LINGO1: variants seen among roughly 807,000 people sequenced by gnomAD.
LINGO1 encodes leucine rich repeat and Ig domain containing 1.
Under a neutral mutation model 37.3 loss-of-function variants are expected in LINGO1, and 11 were observed. The observed-to-expected ratio is 0.29, with a 90% CI of 0.19 to 0.49. The LOEUF is 0.49. Among genes scored for constraint, LINGO1 ranks in the 20% least tolerant of loss-of-function variants. The probability of loss-of-function intolerance (pLI) is 0.99; values close to 1 mark genes in which losing one functional copy is unlikely to be tolerated. For missense variants in LINGO1, 585 were observed against 878.2 expected, an observed-to-expected ratio of 0.67 and a Z score of 4.22; for synonymous variants, 387 against 403.0, an observed-to-expected ratio of 0.96 and a Z score of 0.48.
At chr15:77,787,605 C>A (rs1446884219), upstream of LINGO1, among the ~76,000 whole-genome samples, 1 of 152,158 alleles carries the variant, frequency 6.6e-6, no homozygotes, top group Non-Finnish European at 1.5e-5. Flanking sequence ...CCTCTTTGCC[C>A]TCCCCATGCC....
chr15:77,788,206 T>C (rs1273451129), upstream of LINGO1: 1 of 152,258 alleles, frequency 6.6e-6, no homozygotes, highest in African/African-American at 2.4e-5. Context: ...ACCATGTTTG[T>C]CGGGTTCTCA....
chr15:77,773,599 G>T (rs796430057), intron 1 of LINGO1, among the ~76,000 whole-genome samples: 9 of 152,210 alleles, frequency 5.9e-5, no homozygotes, highest in African/African-American at 2.2e-4. Flanking sequence ...AGGCAGGTAT[G>T]ACTCCAGCCT....
intron 2 of LINGO1, among the ~76,000 whole-genome samples, chr15:77,678,288 C>T (rs1467890054): frequency 2.0e-5 from 3 of 152,138 alleles, no homozygotes; most frequent in East Asian, 1.9e-4. Flanking sequence ...AGGTACAGAA[C>T]AATCCTGTCA....
upstream of LINGO1, among the ~76,000 whole-genome samples, chr15:77,790,844 G>A (rs191214772): frequency 2.1e-3 from 315 of 152,334 alleles, no homozygotes; most frequent in Middle Eastern, 6.8e-3. Flanking sequence ...GCTCCCTCCA[G>A]GGCCTGAGCT....
Position 77,615,778 on chromosome 15 carries a change from C to A in LINGO1, c.129G>T (p.Pro43=). ...CCTGGGCGGAGCACTCGCAGCGGGGCGGGCAGCCCGTGGCCGAGCCTGACA... is the reference window on the plus strand; with the variant it reads ...CCTGGGCGGAGCACTCGCAGCGGGGAGGGCAGCCCGTGGCCGAGCCTGACA... ...SVLSGSATGC[P]PRCECSAQDR... The change falls in exon 2 of 2, where the codon CCG becomes CCT. Residue 43 remains proline (P), a synonymous_variant. Coordinates refer to ENST00000355300, the MANE Select transcript of LINGO1 (RefSeq NM_032808.7). 6.4e-7 allele frequency: 1 copy of A among 1,571,172 alleles called. No homozygotes were observed. Among genetic ancestry groups the A allele is most frequent in the Non-Finnish European group, 8.6e-7 (1 of 1,165,158 alleles).
intron 3 of LINGO1, among the ~76,000 whole-genome samples, chr15:77,654,530 C>T (rs2141148589): frequency 1.3e-5 from 2 of 152,190 alleles, no homozygotes; most frequent in South Asian, 2.1e-4. Flanking sequence ...GTCTCAGCAC[C>T]TATTTCTCCT....
At chr15:77,723,057 G>C (rs1372571399) in intron 2 of LINGO1, among the ~76,000 whole-genome samples, 1 of 152,182 alleles carries the variant, frequency 6.6e-6, no homozygotes, top group Non-Finnish European at 1.5e-5. Flanking sequence ...GTGACCCAGG[G>C]CCCATCGCTT....
At chr15:77,769,482 G>A (rs111515749) in intron 1 of LINGO1, among the ~76,000 whole-genome samples, 7 of 152,326 alleles carry the variant, frequency 4.6e-5, no homozygotes, top group African/African-American at 1.7e-4. Context: ...AGTGGCCAGG[G>A]TCAGCCAGGG....
upstream of LINGO1, among the ~76,000 whole-genome samples, chr15:77,787,592 C>G (rs1035968791): frequency 6.6e-6 from 1 of 152,128 alleles, no homozygotes; most frequent in African/African-American, 2.4e-5. Flanking sequence ...GGAACAGTCC[C>G]CTCCTCTTTG....
chr15:77,693,727 G>A (rs2075643821), intron 1 of LINGO1, among the ~76,000 whole-genome samples: 1 of 152,208 alleles, frequency 6.6e-6, no homozygotes. Flanking sequence ...ATGGCACAGA[G>A]AGGGAGGAAA....
chr15:77,665,350 C>T (rs2075107080), intron 3 of LINGO1, among the ~76,000 whole-genome samples: 1 of 152,154 alleles, frequency 6.6e-6, no homozygotes, highest in Non-Finnish European at 1.5e-5. Context: ...CAGCTAGAGC[C>T]CTGCTCCTTG....
chr15:77,764,630 T>C (rs2076509367), intron 1 of LINGO1, among the ~76,000 whole-genome samples: 3 of 152,150 alleles, frequency 2.0e-5, no homozygotes, highest in Admixed American at 2.0e-4. Context: ...GCCACAATCC[T>C]TCACTCATTA....
intron 1 of LINGO1, among the ~76,000 whole-genome samples, chr15:77,783,908 G>A (rs943148934): frequency 3.3e-5 from 5 of 152,184 alleles, no homozygotes; most frequent in Non-Finnish European, 7.3e-5. Context: ...GCACCTCAGT[G>A]GTGTTCATTT....
At chr15:77,789,088 T>C (rs926736724), upstream of LINGO1, among the ~76,000 whole-genome samples, 11 of 147,880 alleles carry the variant, frequency 7.4e-5, no homozygotes, top group Non-Finnish European at 1.6e-4. Context: ...CCGCCAAGGC[T>C]GCCAGTGGAC....
intron 1 of LINGO1, among the ~76,000 whole-genome samples, chr15:77,808,434 G>C (rs1034677488): frequency 5.9e-5 from 9 of 152,166 alleles, no homozygotes; most frequent in Non-Finnish European, 1.0e-4. Context: ...GGGAAGCTGA[G>C]CCAAGATCCC....
chr15:77,691,189 T>G (rs1346983396), intron 1 of LINGO1, among the ~76,000 whole-genome samples: 1 of 152,196 alleles, frequency 6.6e-6, no homozygotes, highest in Non-Finnish European at 1.5e-5. Context: ...TAATTTACAT[T>G]TAAGTCTAAA....
chr15:77,621,341 C>A (rs2073912277), intron 1 of LINGO1, among the ~76,000 whole-genome samples: 2 of 152,230 alleles, frequency 1.3e-5, no homozygotes. Flanking sequence ...AGGCATGAGC[C>A]ACTGTGCCCA....
intron 2 of LINGO1, among the ~76,000 whole-genome samples, chr15:77,689,608 G>A (rs995301085): frequency 9.2e-5 from 14 of 152,162 alleles, no homozygotes; most frequent in Admixed American, 4.6e-4. Context: ...TGTGGGGGGT[G>A]GGAAGGGTAA....
intron 1 of LINGO1, among the ~76,000 whole-genome samples, chr15:77,744,067 C>T (rs761581751): frequency 7.2e-5 from 11 of 152,146 alleles, no homozygotes; most frequent in Non-Finnish European, 1.0e-4. Context: ...GAGAACTCAC[C>T]GTGGGCAGAG....
Sources: gnomAD v4.1 joint callset for allele counts (sites outside exome capture counted in the v4.1 genomes callset) on GRCh38, gnomAD v4.1.1 for gene constraint, MANE v1.5 for transcripts, NCBI Gene and HGNC (gene_info 2026-07-23, HGNC 2026-07-21) for gene names.